Variants in PRELID2 observed in about 807,000 individuals in gnomAD.
PRELID2 encodes PRELI domain containing 2.
PRELID2 carries 25 observed loss-of-function variants against 28.4 expected under a neutral mutation model. The observed-to-expected ratio is 0.88, with a 90% CI of 0.64 to 1.23. The LOEUF (loss-of-function observed/expected upper bound fraction) is 1.23. PRELID2 is among the 50% of genes most tolerant of loss of function. The pLI is 0.00. For missense variants in PRELID2, 201 were observed against 214.4 expected, an observed-to-expected ratio of 0.94 and a Z score of 0.39; for synonymous variants, 76 against 71.6, an observed-to-expected ratio of 1.06 and a Z score of -0.31.
intron 1 of PRELID2, among the ~76,000 whole-genome samples, chr5:145,828,655 T>C (rs887180209): frequency 5.3e-5 from 8 of 152,078 alleles, no homozygotes; most frequent in Admixed American, 5.2e-4. Flanking sequence ...TTCTAAATAG[T>C]TTAAATGCTT....
chr5:145,514,206 G>A lies in PRELID2; in HGVS notation n.71-40891C>T, dbSNP rs112791005. ...ATTGAAAGACACAGACTGGCAAATT[G>A]GATAGTCAAGACCCATCAGTGTGCT... On this transcript the variant is annotated intron_variant and non_coding_transcript_variant, in intron 1 of 2. Coordinates refer to the PRELID2 transcript ENST00000510259. Among the ~76,000 whole-genome samples the A allele has an allele frequency of 2.2e-3, 338 of 151,738 alleles. 2 individuals carry two copies. The highest frequency in any genetic ancestry group is 3.0e-3 in the Non-Finnish European group (202 of 67,946).
At chr5:145,527,535 A>G (rs1436013267) in intron 1 of PRELID2, among the ~76,000 whole-genome samples, 1 of 152,226 alleles carries the variant, frequency 6.6e-6, no homozygotes, top group Non-Finnish European at 1.5e-5. Flanking sequence ...TTTTCAAGCA[A>G]TTTCTTGAAG....
chr5:145,292,213 C>T, the PRELID2 span, among the ~76,000 whole-genome samples: 1 of 152,078 alleles, frequency 6.6e-6, no homozygotes, highest in Non-Finnish European at 1.5e-5. Context: ...TTTCGAGTCA[C>T]AGACTTAGAA....
the PRELID2 span, among the ~76,000 whole-genome samples, chr5:145,452,261 C>T: frequency 6.6e-6 from 1 of 152,172 alleles, no homozygotes; most frequent in African/African-American, 2.4e-5. Flanking sequence ...ATAGTCCATG[C>T]TCATTAGCAT....
the PRELID2 span, among the ~76,000 whole-genome samples, chr5:145,243,233 T>C: frequency 9.9e-5 from 15 of 152,062 alleles, no homozygotes; most frequent in African/African-American, 3.6e-4. Context: ...GAGTTGGAAA[T>C]GCCTTTCTGT....
chr5:145,715,387 C>T (rs1441453492), intron 1 of PRELID2, among the ~76,000 whole-genome samples: 1 of 152,160 alleles, frequency 6.6e-6, no homozygotes, highest in Non-Finnish European at 1.5e-5. Flanking sequence ...ATCTGAGCTG[C>T]CATCGCCTCT....
chr5:145,340,755 C>G, the PRELID2 span, among the ~76,000 whole-genome samples: 2 of 122,274 alleles, frequency 1.6e-5, no homozygotes, highest in Admixed American at 1.7e-4. Context: ...GAGTGAGACC[C>G]TGCCTAAAAA....
chr5:145,409,858 G>A, the PRELID2 span, among the ~76,000 whole-genome samples: 1 of 151,716 alleles, frequency 6.6e-6, no homozygotes, highest in Non-Finnish European at 1.5e-5. Flanking sequence ...GCCAAAGCAA[G>A]ACTAAGCAAA....
the PRELID2 span, among the ~76,000 whole-genome samples, chr5:145,300,968 G>A: frequency 6.6e-6 from 1 of 151,948 alleles, no homozygotes; most frequent in African/African-American, 2.4e-5. Context: ...AACCCATTAT[G>A]TAAAATAGAT....
At chr5:145,700,384 T>TCC (rs1483293750) in intron 1 of PRELID2, among the ~76,000 whole-genome samples, 1 of 151,194 alleles carries the variant, frequency 6.6e-6, no homozygotes, top group African/African-American at 2.4e-5. Context: ...TAAATCCCTT[T>TCC]CCCCCCCACC....
At chr5:145,702,655 C>T (rs1755437290) in intron 1 of PRELID2, among the ~76,000 whole-genome samples, 2 of 152,132 alleles carry the variant, frequency 1.3e-5, no homozygotes, top group Non-Finnish European at 2.9e-5. Flanking sequence ...CCTGAAGCAC[C>T]CCCATGCCCA....
At chr5:145,690,474 C>A (rs1232213887) in intron 1 of PRELID2, among the ~76,000 whole-genome samples, 1 of 152,160 alleles carries the variant, frequency 6.6e-6, no homozygotes, top group African/African-American at 2.4e-5. Flanking sequence ...TGTTCTCCAT[C>A]TGAAACTTAA....
intron 5 of PRELID2, among the ~76,000 whole-genome samples, chr5:145,777,069 C>T (rs1758454629): frequency 6.6e-6 from 1 of 152,106 alleles, no homozygotes; most frequent in Non-Finnish European, 1.5e-5. Context: ...TGCAAAATTC[C>T]CAAGACTGAG....
intron 1 of PRELID2, among the ~76,000 whole-genome samples, chr5:145,653,246 A>T (rs946391932): frequency 2.0e-5 from 3 of 152,222 alleles, no homozygotes; most frequent in Non-Finnish European, 4.4e-5. Context: ...CCAGATTTAT[A>T]AAGCAAGTCC....
chr5:145,596,099 C>CAAAAAAAAAAAAAA (rs552746530), intron 1 of PRELID2, among the ~76,000 whole-genome samples: 29 of 43,958 alleles, frequency 6.6e-4, no homozygotes, highest in African/African-American at 1.2e-3. Flanking sequence ...GAGCCTGTCT[C>CAAAAAAAAAAAAAA]AAAAAAAAAA....
intron 6 of PRELID2, among the ~76,000 whole-genome samples, chr5:145,761,398 C>G (rs1486738875): frequency 6.6e-6 from 1 of 152,186 alleles, no homozygotes; most frequent in East Asian, 1.9e-4. Flanking sequence ...CTGTTATTAT[C>G]ATTTTAATAC....
chr5:145,603,730 G>A (rs1032112511), intron 1 of PRELID2, among the ~76,000 whole-genome samples: 11 of 152,168 alleles, frequency 7.2e-5, no homozygotes, highest in Non-Finnish European at 1.3e-4. Context: ...ATACACACAC[G>A]TTAGCATTTA....
intron 4 of PRELID2, among the ~76,000 whole-genome samples, chr5:145,817,220 A>ATATATATATATATATATATATATAT (rs1265574987): frequency 4.8e-4 from 32 of 66,454 alleles, no homozygotes; most frequent in Non-Finnish European, 8.2e-4. Flanking sequence ...AATAAAAAAA[A>ATATATATATATATATATATATATAT]ATATATATAT....
rs187827004 is a variant in PRELID2, at chr5:145,621,242, C to T, written n.70+143689G>A. Among the ~76,000 whole-genome samples the T allele has an allele frequency of 1.4e-3, 213 of 152,168 alleles. 2 individuals carry two copies. Among genetic ancestry groups the T allele is most frequent in the South Asian group, 0.012 (60 of 4,818 alleles). On this transcript the variant is annotated intron_variant and non_coding_transcript_variant, in intron 1 of 2. Coordinates refer to the PRELID2 transcript ENST00000510259. The stretch of plus-strand genomic sequence containing the variant: ...ATCAAACCCATCACACTGACTAGGA[C>T]GGCTATCATAAAATTATAATAATAA...
Sources: allele counts gnomAD v4.1 joint callset (sites outside exome capture counted in the v4.1 genomes callset), GRCh38; gene constraint gnomAD v4.1.1; transcripts MANE v1.5; gene names NCBI Gene and HGNC (gene_info 2026-07-23, HGNC 2026-07-21).